SEMA5A: variants seen among roughly 807,000 people sequenced by gnomAD.
The protein encoded by SEMA5A is semaphorin-5A.
A neutral mutation model predicts 135.5 loss-of-function variants in SEMA5A; 55 were observed. That is an observed-to-expected ratio of 0.41 (90% CI 0.33 to 0.51). The LOEUF (loss-of-function observed/expected upper bound fraction) is 0.51, where lower values mean the gene tolerates loss of function less well. Ranked by LOEUF, SEMA5A falls within the 20% of genes least tolerant of loss-of-function variation. SEMA5A has a pLI of 0.37. For synonymous variants in SEMA5A, 580 were observed against 546.5 expected (o/e 1.06, Z -0.85); for missense variants, 1,290 against 1,419.9 (o/e 0.91, Z 1.47).
Position 9,330,904 on chromosome 5 carries a change from T to G in SEMA5A, c.224+6809A>C, listed in dbSNP as rs145450566. On this transcript the variant is annotated intron_variant, in intron 4 of 22. Coordinates refer to ENST00000382496, the MANE Select transcript of SEMA5A (RefSeq NM_003966.3). ...AAAAAGACTGCAGTGAAAAGCACTG[T>G]TCCTTTTCCATCACCAGCTGCTTGT... 2.0e-5 allele frequency among the ~76,000 whole-genome samples: 3 copies of G among 152,316 alleles called. No homozygotes were observed. In the East Asian group the frequency reaches 5.8e-4, roughly 29 times the overall value.
intron 11 of SEMA5A, among the ~76,000 whole-genome samples, chr5:9,176,145 G>A (rs1315923868): frequency 2.0e-5 from 3 of 152,180 alleles, no homozygotes; most frequent in Admixed American, 2.0e-4. Flanking sequence ...CATCTTGGAT[G>A]AGCCTGACTT....
At chr5:9,132,962 A>T (rs1741517487) in intron 13 of SEMA5A, among the ~76,000 whole-genome samples, 1 of 152,230 alleles carries the variant, frequency 6.6e-6, no homozygotes, top group Non-Finnish European at 1.5e-5. Flanking sequence ...GTGTTTACTG[A>T]TTGCAAACTT....
intron 3 of SEMA5A, among the ~76,000 whole-genome samples, chr5:9,372,791 T>C (rs1755196807): frequency 6.6e-6 from 1 of 152,124 alleles, no homozygotes; most frequent in Non-Finnish European, 1.5e-5. Flanking sequence ...GTCACACACA[T>C]GGACCTGTGG....
At chr5:9,162,556 GTGTGTGTGTATA>G in intron 11 of SEMA5A, among the ~76,000 whole-genome samples, 1 of 21,870 alleles carries the variant, frequency 4.6e-5, no homozygotes, top group South Asian at 1.1e-3. Flanking sequence ...ATATATGTGT[GTGTGTGTGTATA>G]TATATATATA....
chr5:9,264,084 T>C (rs1032737588), intron 5 of SEMA5A, among the ~76,000 whole-genome samples: 1 of 152,232 alleles, frequency 6.6e-6, no homozygotes, highest in African/African-American at 2.4e-5. Context: ...ATGAAAGATA[T>C]AAGTGAATCC....
At chr5:9,226,405 G>T (rs564294369) in intron 7 of SEMA5A, among the ~76,000 whole-genome samples, 1 of 151,106 alleles carries the variant, frequency 6.6e-6, no homozygotes, top group Non-Finnish European at 1.5e-5. Context: ...CTTTGCCTAG[G>T]GTGCAATTTC....
chr5:9,538,428 G>A (rs1348742212), intron 1 of SEMA5A, among the ~76,000 whole-genome samples: 1 of 152,168 alleles, frequency 6.6e-6, no homozygotes, highest in African/African-American at 2.4e-5. Flanking sequence ...CAAGGACACA[G>A]AAGCAGGCAT....
At chr5:9,462,704 C>A (rs1467316836) in intron 1 of SEMA5A, among the ~76,000 whole-genome samples, 1 of 152,044 alleles carries the variant, frequency 6.6e-6, no homozygotes, top group Non-Finnish European at 1.5e-5. Context: ...AGGCCATTAT[C>A]CTTAGCAAAC....
chr5:9,183,924 A>G (rs867059703), intron 11 of SEMA5A, among the ~76,000 whole-genome samples: 8 of 152,340 alleles, frequency 5.3e-5, no homozygotes, highest in Middle Eastern at 3.4e-3. Context: ...TTCTTGAGTC[A>G]CATTTATTTT....
chr5:9,446,302 A>G (rs765849218), intron 1 of SEMA5A, among the ~76,000 whole-genome samples: 32 of 152,168 alleles, frequency 2.1e-4, no homozygotes, highest in Non-Finnish European at 3.4e-4. Context: ...AACTGCAAAG[A>G]GGCATGGGGC....
chr5:9,426,252 C>A (rs573254141), intron 2 of SEMA5A, among the ~76,000 whole-genome samples: 1 of 151,462 alleles, frequency 6.6e-6, no homozygotes, highest in African/African-American at 2.4e-5. Context: ...GGTGAAACCC[C>A]GTCTCTACTA....
chr5:9,075,550 A>G (rs1305751762), intron 16 of SEMA5A, among the ~76,000 whole-genome samples: 1 of 46,410 alleles, frequency 2.2e-5, no homozygotes, highest in Non-Finnish European at 5.7e-5. Context: ...CACATAAAAA[A>G]GCCAGCAAAA....
chr5:9,136,540 G>A lies in SEMA5A; in HGVS notation c.1563C>T (p.Ser521=), dbSNP rs762213863. The part of the protein sequence containing the change: ...KKCTSLEESL[S]MTQWEQSISA... ...AGATGCTCTGTTCCCACTGCGTCAT[G>A]CTCAGGCTCTCCTCCAGGCTTGTGC... is the stretch of plus-strand genomic sequence containing the variant. Residue 521 remains serine, a synonymous_variant, in exon 13 of 23, where the codon AGC becomes AGT. Transcript: ENST00000382496. The A allele has an allele frequency of 2.5e-6, 4 of 1,614,176 alleles. No homozygotes were observed. The South Asian group carries it at 4.4e-5, about 18-fold the overall frequency.
intron 2 of SEMA5A, among the ~76,000 whole-genome samples, chr5:9,400,271 C>A (rs1020350252): frequency 6.6e-6 from 1 of 152,074 alleles, no homozygotes; most frequent in Non-Finnish European, 1.5e-5. Context: ...CATATGTATA[C>A]CTATGTAACA....
chr5:9,376,577 T>C (rs950828435), intron 3 of SEMA5A, among the ~76,000 whole-genome samples: 1 of 152,196 alleles, frequency 6.6e-6, no homozygotes, highest in Non-Finnish European at 1.5e-5. Flanking sequence ...ATGGCCCTTT[T>C]GGTTCACATT....
At chr5:9,371,740 C>G (rs1325405142) in intron 3 of SEMA5A, among the ~76,000 whole-genome samples, 1 of 152,092 alleles carries the variant, frequency 6.6e-6, no homozygotes, top group Non-Finnish European at 1.5e-5. Context: ...ATTCATGGAA[C>G]AAAGGATATT....
intron 1 of SEMA5A, among the ~76,000 whole-genome samples, chr5:9,463,041 C>T (rs898986440): frequency 1.5e-4 from 23 of 149,672 alleles, no homozygotes; most frequent in African/African-American, 5.4e-4. Flanking sequence ...AATAAAAATG[C>T]CTTTTGTGGA....
chr5:9,305,228 T>G (rs1751802909), intron 5 of SEMA5A, among the ~76,000 whole-genome samples: 1 of 152,174 alleles, frequency 6.6e-6, no homozygotes. Context: ...TCTGGGAAAT[T>G]TTTATCAAAT....
chr5:9,221,502 C>T (rs937426592), intron 8 of SEMA5A, among the ~76,000 whole-genome samples: 2 of 151,706 alleles, frequency 1.3e-5, no homozygotes, highest in African/African-American at 2.4e-5. Context: ...CGGGGTTTCA[C>T]AGTGTTAGCC....
Sources: gnomAD v4.1 joint callset for allele counts (sites outside exome capture counted in the v4.1 genomes callset) on GRCh38, gnomAD v4.1.1 for gene constraint, MANE v1.5 for transcripts, NCBI Gene and HGNC (gene_info 2026-07-23, HGNC 2026-07-21) for gene names.